The following ARHGAP20 variants were observed in gnomAD, a reference collection of about 807,000 sequenced individuals.
ARHGAP20 encodes Rho GTPase activating protein 20.
A neutral mutation model predicts 73.7 loss-of-function variants in ARHGAP20; 34 were observed. The observed-to-expected ratio is 0.46, with a 90% CI of 0.35 to 0.61. ARHGAP20 has a LOEUF of 0.61. Among genes scored for constraint, ARHGAP20 ranks in the 20% least tolerant of loss-of-function variants. The pLI is 0.00. For missense variants in ARHGAP20, 1,314 were observed against 1,420.9 expected (o/e 0.92, Z 1.21); for synonymous variants, 523 against 518.2 (o/e 1.01, Z -0.13).
At chr11:110,707,691 A>G (rs1950573775) in intron 1 of ARHGAP20, among the ~76,000 whole-genome samples, 1 of 152,062 alleles carries the variant, frequency 6.6e-6, no homozygotes, top group Non-Finnish European at 1.5e-5. Context: ...TAATGCTCCC[A>G]CTTCTTTTTA....
At chr11:110,670,260 C>A (rs950770497) in intron 2 of ARHGAP20, among the ~76,000 whole-genome samples, 1 of 151,752 alleles carries the variant, frequency 6.6e-6, no homozygotes, top group Non-Finnish European at 1.5e-5. Context: ...AATATAAAGT[C>A]AACACAATAT....
At position 110,712,143 on chromosome 11, in the gene ARHGAP20, C is replaced by T. The variant is rs199614104; in HGVS notation, c.89G>A (p.Gly30Asp). ...CGTCCTCACCTTCTTGGTGCAGCTGCCTCCCGCGAGCCGAGACACTCCTGT... is the reference window on the plus strand; with the variant it reads ...CGTCCTCACCTTCTTGGTGCAGCTGTCTCCCGCGAGCCGAGACACTCCTGT... ...SLTGVSRLAG[G>D]SCTKKKMKTL... Residue 30 changes from glycine to aspartate, a missense_variant, in exon 1 of 15, where the codon GGC (glycine) becomes GAC (aspartate). Transcript: ENST00000683387. 114 of 1,359,366 alleles carry T rather than the reference C, an allele frequency of 8.4e-5. 1 individual carries two copies. The African/African-American group carries it at 1.6e-3, about 19-fold the overall frequency. 84.2% of individuals were successfully genotyped at this position (1,359,366 alleles called of 1,614,324 possible).
At chr11:110,594,375 T>C (rs1391537493) in intron 9 of ARHGAP20, among the ~76,000 whole-genome samples, 2 of 152,194 alleles carry the variant, frequency 1.3e-5, no homozygotes, top group Non-Finnish European at 1.5e-5. Context: ...ATGTAAAGGA[T>C]ATGAATTAGC....
At chr11:110,653,134 G>A (rs1428198590) in intron 2 of ARHGAP20, among the ~76,000 whole-genome samples, 1 of 152,084 alleles carries the variant, frequency 6.6e-6, no homozygotes, top group African/African-American at 2.4e-5. Flanking sequence ...AGAAAATCTA[G>A]GCAATACCAC....
chr11:110,712,043 G>A, intron 1 of ARHGAP20, 84 bp downstream of exon 1: 4 of 1,247,054 alleles, frequency 3.2e-6, no homozygotes, highest in Non-Finnish European at 4.0e-6. Flanking sequence ...CGCCTAGCGC[G>A]CTGCTGTGGC....
chr11:110,636,750 C>T (rs79434173), intron 2 of ARHGAP20, among the ~76,000 whole-genome samples: 1 of 151,860 alleles, frequency 6.6e-6, no homozygotes, highest in Non-Finnish European at 1.5e-5. Context: ...AAAAACACAA[C>T]TTTTGTGTTT....
intron 2 of ARHGAP20, among the ~76,000 whole-genome samples, chr11:110,648,848 T>C (rs957220708): frequency 1.3e-5 from 2 of 152,110 alleles, no homozygotes; most frequent in Admixed American, 1.3e-4. Flanking sequence ...TCATGTCTTT[T>C]TTGATAAAAG....
chr11:110,670,349 A>G (rs1440126731), intron 2 of ARHGAP20, among the ~76,000 whole-genome samples: 1 of 152,070 alleles, frequency 6.6e-6, no homozygotes, highest in African/African-American at 2.4e-5. Context: ...TCTAGGGGGA[A>G]AAAAGAGAAT....
At chr11:110,632,832 T>G (rs1242902306) in intron 2 of ARHGAP20, among the ~76,000 whole-genome samples, 2 of 152,256 alleles carry the variant, frequency 1.3e-5, no homozygotes, top group Non-Finnish European at 2.9e-5. Flanking sequence ...GGTTATGTGT[T>G]ATTATACGCA....
intron 1 of ARHGAP20, among the ~76,000 whole-genome samples, chr11:110,710,779 G>T (rs1272687744): frequency 2.6e-5 from 4 of 152,158 alleles, no homozygotes; most frequent in African/African-American, 9.7e-5. Flanking sequence ...TCTATACTCG[G>T]CACACCGATC....
chr11:110,695,315 C>A (rs1950315291), intron 1 of ARHGAP20, among the ~76,000 whole-genome samples: 1 of 151,386 alleles, frequency 6.6e-6, no homozygotes, highest in Non-Finnish European at 1.5e-5. Context: ...ACCAAAAGTA[C>A]AAGCAACAGA....
At chr11:110,700,960 G>A (rs1319610192) in intron 1 of ARHGAP20, among the ~76,000 whole-genome samples, 2 of 151,134 alleles carry the variant, frequency 1.3e-5, no homozygotes, top group African/African-American at 2.4e-5. Context: ...TGGTGTATAT[G>A]TGCCACATTT....
At chr11:110,593,749 C>T (rs1027966728) in intron 9 of ARHGAP20, among the ~76,000 whole-genome samples, 6 of 152,200 alleles carry the variant, frequency 3.9e-5, no homozygotes, top group Non-Finnish European at 5.9e-5. Context: ...TAAATTCTGC[C>T]CACATCTCTG....
At chr11:110,583,312 T>C (rs1947524793) in intron 13 of ARHGAP20, among the ~76,000 whole-genome samples, 3 of 152,190 alleles carry the variant, frequency 2.0e-5, no homozygotes, top group Non-Finnish European at 4.4e-5. Context: ...AGCTGCTTTA[T>C]CACTTTATGG....
chr11:110,688,311 A>G (rs1425775774), intron 2 of ARHGAP20, among the ~76,000 whole-genome samples: 1 of 149,542 alleles, frequency 6.7e-6, no homozygotes, highest in Non-Finnish European at 1.5e-5. Context: ...ACTGGTCTGC[A>G]TGAACTTTCA....
intron 7 of ARHGAP20, among the ~76,000 whole-genome samples, chr11:110,609,534 G>C (rs1213102023): frequency 6.6e-6 from 1 of 152,130 alleles, no homozygotes; most frequent in East Asian, 1.9e-4. Context: ...TTTAGTTTAG[G>C]CAAGTTCAGT....
chr11:110,592,593 G>T (rs1191251536), intron 9 of ARHGAP20, among the ~76,000 whole-genome samples: 1 of 152,038 alleles, frequency 6.6e-6, no homozygotes, highest in African/African-American at 2.4e-5. Context: ...GTGTGAAGAG[G>T]GAAAGATAAA....
At chr11:110,620,306 T>A (rs192860803) in intron 4 of ARHGAP20, among the ~76,000 whole-genome samples, 2,202 of 152,186 alleles carry the variant, frequency 0.014, 28 homozygotes, top group Non-Finnish European at 0.024. Context: ...TATGCCACCA[T>A]GCCTGCATAA....
chr11:110,694,170 G>T (rs1950293766), intron 1 of ARHGAP20, among the ~76,000 whole-genome samples: 1 of 151,728 alleles, frequency 6.6e-6, no homozygotes, highest in Non-Finnish European at 1.5e-5. Context: ...AAACAAATAT[G>T]AAGTAGTACC....
Sources: gnomAD v4.1 joint callset for allele counts (sites outside exome capture counted in the v4.1 genomes callset) on GRCh38, gnomAD v4.1.1 for gene constraint, MANE v1.5 for transcripts, NCBI Gene and HGNC (gene_info 2026-07-23, HGNC 2026-07-21) for gene names.